Variants in MEG3 observed in about 807,000 individuals in gnomAD.
MEG3 encodes maternally expressed 3.
chr14:100,827,211 C>T (rs2037260915), intron 1 of MEG3, among the ~76,000 whole-genome samples: 1 of 152,100 alleles, frequency 6.6e-6, no homozygotes, highest in Non-Finnish European at 1.5e-5. Context: ...CCCCCCAGGC[C>T]GCCCCCTCCC....
chr14:100,845,451 G>A lies in MEG3; in HGVS notation n.3046-7G>A, dbSNP rs151191249. 1 of 456,602 alleles carries A rather than the reference G, an allele frequency of 2.2e-6. No homozygotes were observed. The highest frequency in any genetic ancestry group is 7.0e-5 in the East Asian group (1 of 14,358). The allele number at this position is 456,602 out of a possible 1,614,324, so 28.3% of individuals were successfully genotyped here. ...CTACTCTGTGACCTAGTGCCTTCTTGTTACAGCGGAAGCCATCACCTGGAT... is the reference window on the plus strand; with the variant it reads ...CTACTCTGTGACCTAGTGCCTTCTTATTACAGCGGAAGCCATCACCTGGAT... On this transcript the variant is annotated splice_polypyrimidine_tract_variant and splice_region_variant and intron_variant and non_coding_transcript_variant, in intron 2 of 3. Coordinates refer to the MEG3 transcript ENST00000398461. The surrounding 1 kb of genome is among the most constrained non-coding windows in gnomAD (Gnocchi z 5.2).
At chr14:100,831,673 G>C (rs893984867), downstream of MEG3, 1 of 152,164 alleles carries the variant, frequency 6.6e-6, no homozygotes, top group Non-Finnish European at 1.5e-5. Flanking sequence ...AGAGACACTT[G>C]CTCCCCCTTC....
At chr14:100,860,551 C>T in intron 1 of MEG3, 1 of 428,324 alleles carries the variant, frequency 2.3e-6, no homozygotes, top group Non-Finnish European at 4.7e-6. Flanking sequence ...TCCCCTCACC[C>T]TCCATGCTGC....
downstream of MEG3, chr14:100,830,524 A>G (rs970736960): frequency 2.0e-5 from 3 of 152,174 alleles, no homozygotes; most frequent in Non-Finnish European, 4.4e-5. Flanking sequence ...TGTCCAGCCC[A>G]ATTCTCCCTT....
intron 2 of MEG3, among the ~76,000 whole-genome samples, chr14:100,843,927 C>A (rs927060282): frequency 6.7e-6 from 1 of 150,148 alleles, no homozygotes; most frequent in African/African-American, 2.5e-5. Context: ...GTAATCTCTG[C>A]CTCCCACGTT....
upstream of MEG3, chr14:100,852,330 G>A (rs1442595893): frequency 1.9e-6 from 1 of 531,822 alleles, no homozygotes; most frequent in Non-Finnish European, 3.8e-6. Flanking sequence ...CACGCTTCTA[G>A]CTCCGGCCGA....
At chr14:100,835,221 C>T in exon 1 of MEG3, 1 of 182,606 alleles carries the variant, frequency 5.5e-6, no homozygotes, top group Non-Finnish European at 1.2e-5. Flanking sequence ...GGACCCCTGG[C>T]CCTGAGTCTC....
intron 1 of MEG3, chr14:100,826,419 G>C (rs1300461835): frequency 6.6e-6 from 1 of 152,276 alleles, no homozygotes; most frequent in Non-Finnish European, 1.5e-5. Context: ...TTTCCCTGGG[G>C]GGAAGTCAGG....
chr14:100,842,959 G>A (rs1566729976), intron 2 of MEG3, among the ~76,000 whole-genome samples: 1 of 152,190 alleles, frequency 6.6e-6, no homozygotes, highest in African/African-American at 2.4e-5. Flanking sequence ...TCCAGACAGT[G>A]ACTCATCTCT....
At chr14:100,826,414 C>T (rs974375839) in intron 1 of MEG3, 1 of 152,254 alleles carries the variant, frequency 6.6e-6, no homozygotes, top group African/African-American at 2.4e-5. Context: ...GCACATTTCC[C>T]TGGGGGGAAG....
intron 2 of MEG3, among the ~76,000 whole-genome samples, chr14:100,838,389 T>C (rs1409790368): frequency 6.6e-6 from 1 of 152,218 alleles, no homozygotes; most frequent in Non-Finnish European, 1.5e-5. Context: ...TCATTAGGTA[T>C]AAAATAGGTA....
At chr14:100,836,390 T>A (rs547687390) in intron 2 of MEG3, 7 of 435,434 alleles carry the variant, frequency 1.6e-5, no homozygotes, top group African/African-American at 1.0e-4. Context: ...AACATTTAAT[T>A]TGGGGAGGAG....
exon 1 of MEG3, chr14:100,858,049 C>T (rs1338127508): frequency 6.6e-6 from 1 of 152,214 alleles, no homozygotes. Context: ...GGGCCCATTT[C>T]CTAGATGAGC....
At chr14:100,830,007 T>C (rs1861476538), downstream of MEG3, 1 of 152,132 alleles carries the variant, frequency 6.6e-6, no homozygotes, top group Non-Finnish European at 1.5e-5. Flanking sequence ...TACATTTACA[T>C]TAAAGAAACA....
intron 3 of MEG3, chr14:100,847,783 G>A (rs1018583925): frequency 1.3e-5 from 2 of 152,256 alleles, no homozygotes; most frequent in Non-Finnish European, 2.9e-5. Flanking sequence ...TATGACAGAA[G>A]AGAGAAAGGA....
intron 2 of MEG3, among the ~76,000 whole-genome samples, chr14:100,839,348 G>C (rs548619422): frequency 6.6e-6 from 1 of 152,324 alleles, no homozygotes; most frequent in African/African-American, 2.4e-5. Context: ...CCTCCCTGCT[G>C]TTTCTCTGAG....
chr14:100,836,184 C>G (rs564460228), exon 2 of MEG3: 2 of 456,000 alleles, frequency 4.4e-6, no homozygotes, highest in Admixed American at 4.7e-5. Flanking sequence ...GGCCGTGGCC[C>G]GGCTGGGTCG....
At chr14:100,831,628 T>C (rs539721948), downstream of MEG3, 6 of 152,406 alleles carry the variant, frequency 3.9e-5, no homozygotes, top group Non-Finnish European at 8.8e-5. Flanking sequence ...GCTCTGCGTC[T>C]CCGGTTCACT....
At chr14:100,836,069 A>G (rs2037565751) in intron 1 of MEG3, 3 of 372,320 alleles carry the variant, frequency 8.1e-6, no homozygotes, top group Non-Finnish European at 1.6e-5. Context: ...CGAAAAGTAA[A>G]CTGCAGGTGA....
Sources: allele counts gnomAD v4.1 joint callset (sites outside exome capture counted in the v4.1 genomes callset), GRCh38; gene constraint gnomAD v4.1.1; non-coding constraint Gnocchi (gnomAD v3.1); transcripts MANE v1.5; gene names NCBI Gene and HGNC (gene_info 2026-07-23, HGNC 2026-07-21).